The following PTK2B variants were observed in gnomAD, a reference collection of about 807,000 sequenced individuals.
PTK2B encodes protein-tyrosine kinase 2-beta.
PTK2B carries 71 observed loss-of-function variants against 142.9 expected under a neutral mutation model. The observed-to-expected ratio is 0.50, with a 90% CI of 0.41 to 0.61. PTK2B has a LOEUF of 0.61. Among genes scored for constraint, PTK2B ranks in the 20% least tolerant of loss-of-function variants. The probability of loss-of-function intolerance (pLI) is 0.00; values close to 1 mark genes in which losing one functional copy is unlikely to be tolerated. For missense variants in PTK2B, 1,105 were observed against 1,320.4 expected (o/e 0.84, Z 2.53); for synonymous variants, 519 against 503.4 (o/e 1.03, Z -0.42).
chr8:27,384,171 A>G (rs1470901711), intron 1 of PTK2B, among the ~76,000 whole-genome samples: 1 of 151,540 alleles, frequency 6.6e-6, no homozygotes, highest in African/African-American at 2.4e-5. Context: ...AAATTTTTAA[A>G]TGTTTTGTAG....
At chr8:27,340,029 C>T (rs1442857023) in intron 1 of PTK2B, among the ~76,000 whole-genome samples, 1 of 152,222 alleles carries the variant, frequency 6.6e-6, no homozygotes. Flanking sequence ...TATGTGCTTC[C>T]TTGAAGCCAT....
intron 4 of PTK2B, 23 bp downstream of exon 4, chr8:27,420,767 G>C (rs183602935): frequency 6.3e-7 from 1 of 1,581,944 alleles, no homozygotes; most frequent in African/African-American, 1.3e-5. Context: ...TTATCTTCTT[G>C]CCCCGAGGCT....
chr8:27,353,019 G>A (rs1805189173), intron 1 of PTK2B, among the ~76,000 whole-genome samples: 2 of 152,154 alleles, frequency 1.3e-5, no homozygotes, highest in Non-Finnish European at 2.9e-5. Context: ...AAAGAGTATG[G>A]GGGTCTCCTT....
rs141812655 is a variant in PTK2B, at chr8:27,368,446, C to G, written c.-37-29102C>G. On this transcript the variant is annotated intron_variant, in intron 1 of 30. Coordinates refer to ENST00000346049, the MANE Select transcript of PTK2B (RefSeq NM_173176.3). The stretch of plus-strand genomic sequence containing the variant: ...ATTCATCCCTCCACTGACTCCCTCA[C>G]CTTGCCCACTGGCTGTGAATCCCCA... Among the ~76,000 whole-genome samples, 68 of 152,324 alleles carry G rather than the reference C, an allele frequency of 4.5e-4. 1 individual carries two copies. Among genetic ancestry groups the G allele is most frequent in the African/African-American group, 1.5e-3 (63 of 41,582 alleles).
intron 1 of PTK2B, among the ~76,000 whole-genome samples, chr8:27,379,370 G>A (rs1432970438): frequency 6.6e-6 from 1 of 152,142 alleles, no homozygotes; most frequent in African/African-American, 2.4e-5. Context: ...GGGACTACAG[G>A]CACATGCCAC....
At chr8:27,403,507 A>T (rs1198804619) in intron 2 of PTK2B, among the ~76,000 whole-genome samples, 1 of 152,244 alleles carries the variant, frequency 6.6e-6, no homozygotes, top group African/African-American at 2.4e-5. Flanking sequence ...CAGGTGTTGC[A>T]GAGAACAATG....
At chr8:27,353,418 T>G (rs1420978277) in intron 1 of PTK2B, among the ~76,000 whole-genome samples, 2 of 152,222 alleles carry the variant, frequency 1.3e-5, no homozygotes, top group Non-Finnish European at 2.9e-5. Context: ...CAATCTGCTG[T>G]GAAATTTTCT....
intron 2 of PTK2B, among the ~76,000 whole-genome samples, chr8:27,408,067 G>T (rs1050483947): frequency 1.3e-5 from 2 of 152,046 alleles, no homozygotes; most frequent in East Asian, 3.8e-4. Context: ...CCAAATGAAG[G>T]CCTCAGCAGC....
chr8:27,415,631 CTG>C (rs1259430591), intron 2 of PTK2B, among the ~76,000 whole-genome samples: 1 of 152,180 alleles, frequency 6.6e-6, no homozygotes, highest in East Asian at 1.9e-4. Context: ...ACTTTCCAGT[CTG>C]GAATGGGCTC....
intron 14 of PTK2B, 126 bp from the exon 15 acceptor site, chr8:27,436,125 T>G (rs1810761457): frequency 4.4e-6 from 4 of 907,672 alleles, no homozygotes; most frequent in Non-Finnish European, 7.0e-6. Flanking sequence ...CCCAGCCCAG[T>G]CCCTGGATCT....
At chr8:27,342,533 G>A (rs1440153803) in intron 1 of PTK2B, among the ~76,000 whole-genome samples, 1 of 152,096 alleles carries the variant, frequency 6.6e-6, no homozygotes, top group Non-Finnish European at 1.5e-5. Context: ...CGACTTGGTT[G>A]GCTTCCCCAG....
intron 21 of PTK2B, among the ~76,000 whole-genome samples, chr8:27,440,783 G>A (rs1187453779): frequency 6.6e-6 from 1 of 152,154 alleles, no homozygotes. Context: ...CTTTCCTCTC[G>A]CCTTGTCTCT....
At chr8:27,310,871 GAGC>G, upstream of PTK2B, 1 of 1,612,616 alleles carries the variant, frequency 6.2e-7, no homozygotes, top group Non-Finnish European at 8.5e-7. Flanking sequence ...GGCCTGGCAG[GAGC>G]AGCACAGCAG....
At chr8:27,378,601 C>CTGTGTGTGTGTG (rs58485965) in intron 1 of PTK2B, among the ~76,000 whole-genome samples, 1 of 148,170 alleles carries the variant, frequency 6.7e-6, no homozygotes, top group Admixed American at 6.8e-5. Flanking sequence ...TACAGCTTAT[C>CTGTGTGTGTGTG]TGTGTGTGTG....
At chr8:27,353,224 A>G (rs966417933) in intron 1 of PTK2B, among the ~76,000 whole-genome samples, 6 of 152,222 alleles carry the variant, frequency 3.9e-5, no homozygotes, top group African/African-American at 1.2e-4. Context: ...GCCATAAGCT[A>G]CATACCAGTT....
chr8:27,409,562 GAA>G (rs971166178), intron 2 of PTK2B, among the ~76,000 whole-genome samples: 1 of 152,150 alleles, frequency 6.6e-6, no homozygotes, highest in Non-Finnish European at 1.5e-5. Flanking sequence ...GAACATGTGG[GAA>G]AAAAACCCAA....
intron 2 of PTK2B, among the ~76,000 whole-genome samples, chr8:27,407,578 C>T (rs1010059161): frequency 3.9e-5 from 6 of 152,174 alleles, no homozygotes; most frequent in Admixed American, 6.5e-5. Flanking sequence ...CTGTACCCCT[C>T]TATAGGGCTC....
At chr8:27,394,556 G>A (rs1807924208) in intron 1 of PTK2B, among the ~76,000 whole-genome samples, 1 of 152,224 alleles carries the variant, frequency 6.6e-6, no homozygotes, top group Non-Finnish European at 1.5e-5. Flanking sequence ...GTGAGTGAAT[G>A]TGATGGCACA....
At chr8:27,449,165 G>A (rs1215818669) in intron 24 of PTK2B, among the ~76,000 whole-genome samples, 2 of 152,168 alleles carry the variant, frequency 1.3e-5, no homozygotes, top group African/African-American at 2.4e-5. Flanking sequence ...AGGAGCCTTG[G>A]TCTGACTAGT....
Sources: gnomAD v4.1 joint callset for allele counts (sites outside exome capture counted in the v4.1 genomes callset) on GRCh38, gnomAD v4.1.1 for gene constraint, MANE v1.5 for transcripts, NCBI Gene and HGNC (gene_info 2026-07-23, HGNC 2026-07-21) for gene names.